The following LRRC28 variants were observed in gnomAD, a reference collection of about 807,000 sequenced individuals.
LRRC28 encodes the protein leucine-rich repeat-containing protein 28.
LRRC28 carries 39 observed loss-of-function variants against 45.7 expected under a neutral mutation model. That is an observed-to-expected ratio of 0.85 (90% CI 0.66 to 1.12). The LOEUF is 1.12. Among genes scored for constraint, LRRC28 ranks in the 50% most tolerant of loss-of-function variants. LRRC28 has a pLI of 0.00. For synonymous variants in LRRC28, 206 were observed against 178.8 expected, an observed-to-expected ratio of 1.15 and a Z score of -1.22; for missense variants, 435 against 438.5, an observed-to-expected ratio of 0.99 and a Z score of 0.07.
At chr15:99,306,216 C>T (rs1292142664) in intron 5 of LRRC28, among the ~76,000 whole-genome samples, 2 of 152,286 alleles carry the variant, frequency 1.3e-5, no homozygotes, top group South Asian at 4.1e-4. Flanking sequence ...CACTCGGTTT[C>T]CTAATTTAGT....
At chr15:99,271,646 G>T (rs1317880519) in intron 2 of LRRC28, among the ~76,000 whole-genome samples, 2 of 151,900 alleles carry the variant, frequency 1.3e-5, no homozygotes, top group African/African-American at 2.4e-5. Context: ...GCCCAAGCTG[G>T]AGTACAGTGG....
intron 8 of LRRC28, among the ~76,000 whole-genome samples, chr15:99,362,208 T>C (rs904681544): frequency 5.9e-5 from 9 of 152,224 alleles, no homozygotes; most frequent in African/African-American, 2.2e-4. Flanking sequence ...AAAGAGTCCA[T>C]ACAAAAACAT....
At chr15:99,265,584 A>G (rs1193114950) in intron 2 of LRRC28, among the ~76,000 whole-genome samples, 2 of 152,132 alleles carry the variant, frequency 1.3e-5, no homozygotes, top group Non-Finnish European at 2.9e-5. Flanking sequence ...TGGTCTTTGT[A>G]AGAAGGAGAA....
chr15:99,292,561 T>A (rs2152223135), intron 5 of LRRC28, among the ~76,000 whole-genome samples: 1 of 151,974 alleles, frequency 6.6e-6, no homozygotes, highest in South Asian at 2.1e-4. Context: ...AGACGGGGTT[T>A]CACCTTGTTA....
At chr15:99,272,058 G>A (rs1488037039) in intron 2 of LRRC28, among the ~76,000 whole-genome samples, 3 of 152,142 alleles carry the variant, frequency 2.0e-5, no homozygotes, top group African/African-American at 7.2e-5. Context: ...GTTAATTTTT[G>A]TATATGGTAT....
At chr15:99,258,454 A>G (rs1198566019) in intron 2 of LRRC28, 1 of 839,220 alleles carries the variant, frequency 1.2e-6, no homozygotes, top group African/African-American at 1.7e-5. Flanking sequence ...AAACTTTCCT[A>G]TTTATGTATG....
At chr15:99,257,273 A>G (rs927662788) in intron 2 of LRRC28, among the ~76,000 whole-genome samples, 2 of 152,214 alleles carry the variant, frequency 1.3e-5, no homozygotes, top group Non-Finnish European at 2.9e-5. Context: ...TGGAAAATCT[A>G]TTTGCAGTTA....
intron 7 of LRRC28, among the ~76,000 whole-genome samples, chr15:99,359,241 A>G (rs1957131890): frequency 6.6e-6 from 1 of 152,216 alleles, no homozygotes; most frequent in Admixed American, 6.5e-5. Context: ...AAGAATGCTG[A>G]CAAAGAGAAC....
At chr15:99,350,269 C>T (rs1344696941) in intron 6 of LRRC28, among the ~76,000 whole-genome samples, 1 of 152,034 alleles carries the variant, frequency 6.6e-6, no homozygotes, top group Non-Finnish European at 1.5e-5. Context: ...TGCTCTCATA[C>T]GTAGCTGGTA....
intron 5 of LRRC28, among the ~76,000 whole-genome samples, chr15:99,294,315 A>G (rs2082208861): frequency 6.6e-6 from 1 of 150,960 alleles, no homozygotes; most frequent in East Asian, 1.9e-4. Context: ...ATTCTTCTAC[A>G]GGTCAGTGAA....
At chr15:99,268,379 G>T (rs1259363237) in intron 2 of LRRC28, among the ~76,000 whole-genome samples, 2 of 152,062 alleles carry the variant, frequency 1.3e-5, no homozygotes, top group Non-Finnish European at 2.9e-5. Flanking sequence ...GTTAGGAGGG[G>T]GACAGTTTAG....
At chr15:99,376,815 A>G (rs541166277) in intron 9 of LRRC28, among the ~76,000 whole-genome samples, 8 of 152,000 alleles carry the variant, frequency 5.3e-5, no homozygotes, top group Admixed American at 3.9e-4. Context: ...TGTCCTTGTG[A>G]TAATTTGCTG....
chr15:99,300,456 A>AT (rs1163448853), intron 5 of LRRC28, among the ~76,000 whole-genome samples: 3 of 152,006 alleles, frequency 2.0e-5, no homozygotes, highest in East Asian at 1.9e-4. Context: ...AATACTTATA[A>AT]TTTTTTTGTT....
rs777425481 is a variant in LRRC28 at position 99,334,044 on chromosome 15, A to G, written c.507A>G (p.Leu169=). Reference sequence around the variant, plus strand: ...ACCTCACTGTGGACCGAAATCGTCTATGGTATGTGCCGCGCCATCTCTGCC... The same window carrying G: ...ACCTCACTGTGGACCGAAATCGTCTGTGGTATGTGCCGCGCCATCTCTGCC... The part of the protein sequence containing the change: ...LQYLTVDRNR[L]WYVPRHLCQL... The change falls in exon 6 of 10, where the codon CTA becomes CTG. Residue 169 remains leucine (L), a synonymous_variant. Coordinates refer to ENST00000301981, the MANE Select transcript of LRRC28 (RefSeq NM_144598.5). 5 of 1,614,004 alleles carry G rather than the reference A, an allele frequency of 3.1e-6. No homozygotes were observed. Among genetic ancestry groups the G allele is most frequent in the Non-Finnish European group, 4.2e-6 (5 of 1,179,996 alleles).
chr15:99,281,504 T>G (rs570102469), intron 3 of LRRC28, among the ~76,000 whole-genome samples: 18 of 152,076 alleles, frequency 1.2e-4, no homozygotes, highest in Admixed American at 5.9e-4. Flanking sequence ...TTTAAATAGC[T>G]GAATATAGTT....
chr15:99,309,742 T>C (rs745695777), intron 5 of LRRC28, among the ~76,000 whole-genome samples: 1 of 152,162 alleles, frequency 6.6e-6, no homozygotes, highest in Non-Finnish European at 1.5e-5. Flanking sequence ...GGTGCTCTCT[T>C]CCACAATTTC....
chr15:99,332,318 T>C (rs1265491393), intron 5 of LRRC28, among the ~76,000 whole-genome samples: 1 of 152,194 alleles, frequency 6.6e-6, no homozygotes, highest in Non-Finnish European at 1.5e-5. Flanking sequence ...GGCTGTATAC[T>C]GAATCCTACC....
intron 2 of LRRC28, chr15:99,257,726 A>C: frequency 1.3e-6 from 1 of 777,388 alleles, no homozygotes; most frequent in African/African-American, 1.7e-5. Context: ...GTACAGTAGA[A>C]GAGGATCTGG....
intron 3 of LRRC28, chr15:99,285,253 A>G (rs564351117): frequency 2.7e-6 from 2 of 734,006 alleles, no homozygotes; most frequent in South Asian, 1.3e-5. Flanking sequence ...TAATGTCATC[A>G]ACAAATATCT....
Sources: gnomAD v4.1 joint callset for allele counts (sites outside exome capture counted in the v4.1 genomes callset) on GRCh38, gnomAD v4.1.1 for gene constraint, MANE v1.5 for transcripts, NCBI Gene and HGNC (gene_info 2026-07-23, HGNC 2026-07-21) for gene names.